ST6GALNAC5: variants seen among roughly 807,000 people sequenced by gnomAD.
ST6GALNAC5 encodes alpha-N-acetylgalactosaminide alpha-2,6-sialyltransferase 5.
In ST6GALNAC5, 27 loss-of-function variants were observed where a neutral mutation model predicts 33.6. The observed-to-expected ratio is 0.80, with a 90% CI of 0.59 to 1.11. The LOEUF (loss-of-function observed/expected upper bound fraction) is 1.11. Ranked by LOEUF, ST6GALNAC5 falls within the 50% of genes least tolerant of loss-of-function variation. ST6GALNAC5 has a pLI of 0.00. For synonymous variants in ST6GALNAC5, 194 were observed against 171.2 expected, an observed-to-expected ratio of 1.13 and a Z score of -1.04; for missense variants, 428 against 454.0, an observed-to-expected ratio of 0.94 and a Z score of 0.52.
intron 2 of ST6GALNAC5, among the ~76,000 whole-genome samples, chr1:76,994,566 A>G (rs1013279436): frequency 2.0e-5 from 3 of 152,190 alleles, no homozygotes; most frequent in African/African-American, 4.8e-5. Context: ...AATGACATGT[A>G]TTAAAGACCC....
intron 4 of ST6GALNAC5, 26 bp downstream of exon 4, chr1:77,050,391 T>C: frequency 6.3e-7 from 1 of 1,594,622 alleles, no homozygotes; most frequent in Non-Finnish European, 8.6e-7. Context: ...CAAGTGTAAA[T>C]CATCAGCCGT....
intron 2 of ST6GALNAC5, among the ~76,000 whole-genome samples, chr1:77,041,523 T>A (rs936156745): frequency 2.6e-5 from 4 of 152,226 alleles, no homozygotes; most frequent in Admixed American, 6.5e-5. Context: ...AACTCTTCCC[T>A]CTTCATCATT....
chr1:76,960,756 A>G (rs1648200289), intron 2 of ST6GALNAC5, among the ~76,000 whole-genome samples: 1 of 152,180 alleles, frequency 6.6e-6, no homozygotes, highest in Non-Finnish European at 1.5e-5. Flanking sequence ...TTGAAAGAAG[A>G]GAAATATGGC....
At chr1:76,904,233 C>T (rs1218786506) in intron 2 of ST6GALNAC5, among the ~76,000 whole-genome samples, 1 of 151,932 alleles carries the variant, frequency 6.6e-6, no homozygotes, top group Non-Finnish European at 1.5e-5. Context: ...CACATGTCTG[C>T]GAGGTCGGTA....
intron 2 of ST6GALNAC5, among the ~76,000 whole-genome samples, chr1:76,943,547 A>G (rs1052416058): frequency 6.6e-5 from 10 of 152,242 alleles, no homozygotes; most frequent in African/African-American, 2.4e-4. Flanking sequence ...ACGTGAGTTA[A>G]GAGTCCCTGA....
chr1:76,970,174 G>A (rs914762425), intron 2 of ST6GALNAC5, among the ~76,000 whole-genome samples: 1 of 152,050 alleles, frequency 6.6e-6, no homozygotes, highest in African/African-American at 2.4e-5. Context: ...CCCCTCGCCA[G>A]CAACAGAACA....
chr1:76,908,095 A>G (rs1646880683), intron 2 of ST6GALNAC5, among the ~76,000 whole-genome samples: 1 of 151,774 alleles, frequency 6.6e-6, no homozygotes, highest in African/African-American at 2.4e-5. Context: ...TCCTTATCCC[A>G]CCTATGGCTC....
chr1:76,998,505 T>G (rs1453933091), intron 2 of ST6GALNAC5, among the ~76,000 whole-genome samples: 1 of 152,208 alleles, frequency 6.6e-6, no homozygotes, highest in East Asian at 1.9e-4. Context: ...TCTTATTTCA[T>G]AACCAATGAA....
chr1:76,944,165 C>A (rs934150203), intron 2 of ST6GALNAC5, among the ~76,000 whole-genome samples: 5 of 152,040 alleles, frequency 3.3e-5, no homozygotes, highest in Non-Finnish European at 7.4e-5. Context: ...ATGCCAGAAA[C>A]CTAGAGGAAA....
intron 2 of ST6GALNAC5, among the ~76,000 whole-genome samples, chr1:77,008,118 C>T (rs1650496729): frequency 6.6e-6 from 1 of 152,162 alleles, no homozygotes; most frequent in Admixed American, 6.5e-5. Context: ...AAGTGTATGT[C>T]ATCAGTACCT....
chr1:76,934,739 A>G lies in ST6GALNAC5; in HGVS notation c.261+65997A>G, dbSNP rs183489565. Among the ~76,000 whole-genome samples, 786 of 152,118 alleles carry G rather than the reference A, an allele frequency of 5.2e-3. 3 individuals carry two copies. Among genetic ancestry groups the G allele is most frequent in the South Asian group, 0.039 (188 of 4,828 alleles). ...ACTGTGAATATTTTGGTAGTTATTA[A>G]CTGACTAAATGGGAAGCCTTTGCTA... On this transcript the variant is annotated intron_variant, in intron 2 of 4. Transcript: ENST00000477717.
At chr1:76,906,129 T>C (rs999108046) in intron 2 of ST6GALNAC5, among the ~76,000 whole-genome samples, 1 of 152,206 alleles carries the variant, frequency 6.6e-6, no homozygotes, top group Non-Finnish European at 1.5e-5. Flanking sequence ...GTATTTAAGC[T>C]GTTATCTGGC....
At chr1:76,879,323 T>G (rs528399862) in intron 2 of ST6GALNAC5, among the ~76,000 whole-genome samples, 30 of 152,290 alleles carry the variant, frequency 2.0e-4, no homozygotes, top group African/African-American at 6.0e-4. Context: ...TTAGAACCTT[T>G]TTTTAACTCC....
chr1:76,888,718 T>A (rs762624560), intron 2 of ST6GALNAC5, among the ~76,000 whole-genome samples: 2 of 152,136 alleles, frequency 1.3e-5, no homozygotes, highest in Non-Finnish European at 2.9e-5. Flanking sequence ...ATTTCTATTC[T>A]TTCAATGTCA....
intron 4 of ST6GALNAC5, among the ~76,000 whole-genome samples, chr1:77,053,115 C>G (rs1652282961): frequency 6.6e-6 from 1 of 152,100 alleles, no homozygotes; most frequent in Non-Finnish European, 1.5e-5. Context: ...CAGTACCTTC[C>G]TCACCACCAG....
intron 4 of ST6GALNAC5, among the ~76,000 whole-genome samples, chr1:77,059,466 T>C (rs1416005953): frequency 2.0e-5 from 3 of 152,298 alleles, no homozygotes; most frequent in African/African-American, 7.2e-5. Flanking sequence ...ATTGAGGTTA[T>C]GCATTACTGA....
chr1:76,947,359 A>G (rs752559743), intron 2 of ST6GALNAC5, among the ~76,000 whole-genome samples: 6 of 152,158 alleles, frequency 3.9e-5, no homozygotes, highest in Non-Finnish European at 8.8e-5. Flanking sequence ...TGACAGAAGT[A>G]TTGGAAGTTT....
chr1:76,926,153 A>C (rs940597445), intron 2 of ST6GALNAC5, among the ~76,000 whole-genome samples: 1 of 152,166 alleles, frequency 6.6e-6, no homozygotes, highest in Non-Finnish European at 1.5e-5. Context: ...TCTTGTTATG[A>C]AATAAAGCAA....
At chr1:76,897,813 C>A (rs199910764) in intron 2 of ST6GALNAC5, among the ~76,000 whole-genome samples, 4 of 152,056 alleles carry the variant, frequency 2.6e-5, no homozygotes, top group Non-Finnish European at 5.9e-5. Flanking sequence ...AAGTTGGCAC[C>A]AGAGTTGGGA....
Sources: gnomAD v4.1 joint callset for allele counts (sites outside exome capture counted in the v4.1 genomes callset) on GRCh38, gnomAD v4.1.1 for gene constraint, MANE v1.5 for transcripts, NCBI Gene and HGNC (gene_info 2026-07-23, HGNC 2026-07-21) for gene names.